Variants in CAMK1D observed in about 807,000 individuals in gnomAD.
The protein encoded by CAMK1D is calcium/calmodulin-dependent protein kinase type 1D.
In CAMK1D, 9 loss-of-function variants were observed where a neutral mutation model predicts 47.7. The observed-to-expected ratio is 0.19, with a 90% CI of 0.11 to 0.33. The LOEUF (loss-of-function observed/expected upper bound fraction) is 0.33. CAMK1D is among the 10% of genes least tolerant of loss of function. The pLI, the probability that CAMK1D is intolerant of heterozygous loss-of-function variation, is 1.00. For synonymous variants in CAMK1D, 184 were observed against 184.9 expected (o/e 0.99, Z 0.04); for missense variants, 291 against 488.7 (o/e 0.60, Z 3.81).
At chr10:12,689,091 A>C (rs901972137) in intron 3 of CAMK1D, among the ~76,000 whole-genome samples, 3 of 152,194 alleles carry the variant, frequency 2.0e-5, no homozygotes, top group Non-Finnish European at 4.4e-5. Flanking sequence ...ATGGTGTTCT[A>C]CCCATTGCCT....
At position 12,367,114 on chromosome 10, in the gene CAMK1D, G is replaced by A. The variant is rs141517562; in HGVS notation, c.92+17204G>A. Reference sequence around the variant, plus strand: ...GACTTCCAGAGAGCTAATTATACTTGTGAGAAAAAGGGGATAAAAAATATT... The same window carrying A: ...GACTTCCAGAGAGCTAATTATACTTATGAGAAAAAGGGGATAAAAAATATT... On this transcript the variant is annotated intron_variant, in intron 1 of 10. Transcript: ENST00000619168. Among the ~76,000 whole-genome samples the A allele has an allele frequency of 5.9e-5, 9 of 152,242 alleles. No homozygotes were observed. The East Asian group carries it at 1.7e-3, about 29-fold the overall frequency.
chr10:12,612,689 C>T (rs1426592316), intron 2 of CAMK1D, among the ~76,000 whole-genome samples: 2 of 152,100 alleles, frequency 1.3e-5, no homozygotes, highest in East Asian at 3.9e-4. Context: ...TCTCTGGGTG[C>T]AGCTTGGACA....
At chr10:12,618,863 C>T (rs893340266) in intron 2 of CAMK1D, among the ~76,000 whole-genome samples, 2 of 152,088 alleles carry the variant, frequency 1.3e-5, no homozygotes, top group African/African-American at 4.8e-5. Flanking sequence ...TACGCATAAC[C>T]CTGTGAAGGT....
At chr10:12,407,237 G>A (rs1839468928) in intron 1 of CAMK1D, among the ~76,000 whole-genome samples, 1 of 152,214 alleles carries the variant, frequency 6.6e-6, no homozygotes, top group African/African-American at 2.4e-5. Context: ...GGCCTGGCAG[G>A]GCGGGCAGAG....
At chr10:12,637,533 A>C (rs566602546) in intron 2 of CAMK1D, among the ~76,000 whole-genome samples, 2 of 146,962 alleles carry the variant, frequency 1.4e-5, no homozygotes, top group East Asian at 2.2e-4. Flanking sequence ...GTATAGAGGC[A>C]GGTTGCAGAA....
At chr10:12,767,327 G>A (rs1275837242) in intron 4 of CAMK1D, among the ~76,000 whole-genome samples, 10 of 152,004 alleles carry the variant, frequency 6.6e-5, no homozygotes, top group African/African-American at 2.2e-4. Context: ...ACAGGCGCCC[G>A]CCACCATGCC....
intron 2 of CAMK1D, among the ~76,000 whole-genome samples, chr10:12,567,556 G>A (rs1031663898): frequency 6.6e-6 from 1 of 152,160 alleles, no homozygotes; most frequent in Non-Finnish European, 1.5e-5. Flanking sequence ...ATTTTTCTAG[G>A]TAGAAAAGTA....
chr10:12,780,239 G>A (rs2065360), intron 5 of CAMK1D, among the ~76,000 whole-genome samples: 4,786 of 152,166 alleles, frequency 0.031, 104 homozygotes, highest in Non-Finnish European at 0.047. Flanking sequence ...GTGTTGGGGC[G>A]AGGACCTCTA....
intron 5 of CAMK1D, among the ~76,000 whole-genome samples, chr10:12,770,072 T>G (rs751591147): frequency 2.6e-5 from 4 of 152,346 alleles, no homozygotes; most frequent in Middle Eastern, 3.4e-3. Flanking sequence ...GGCTGGGAGT[T>G]AATTTGGATG....
At chr10:12,426,811 T>G (rs2131979954) in intron 1 of CAMK1D, among the ~76,000 whole-genome samples, 1 of 150,724 alleles carries the variant, frequency 6.6e-6, no homozygotes, top group East Asian at 2.0e-4. Context: ...ACCTCCGGGG[T>G]TCAAGCAATT....
chr10:12,436,222 A>G (rs1319500225), intron 1 of CAMK1D, among the ~76,000 whole-genome samples: 1 of 152,136 alleles, frequency 6.6e-6, no homozygotes, highest in Non-Finnish European at 1.5e-5. Context: ...CAGGCTTCAC[A>G]TGTGTGCCCA....
chr10:12,419,738 G>C (rs1839985622), intron 1 of CAMK1D, among the ~76,000 whole-genome samples: 1 of 151,850 alleles, frequency 6.6e-6, no homozygotes, highest in Non-Finnish European at 1.5e-5. Flanking sequence ...TGTTTTTTCA[G>C]CTTCTTAGGA....
chr10:12,570,027 G>T (rs1055053442), intron 2 of CAMK1D, among the ~76,000 whole-genome samples: 1 of 151,544 alleles, frequency 6.6e-6, no homozygotes, highest in African/African-American at 2.4e-5. Flanking sequence ...TGGTGAAACC[G>T]CATCTCAACT....
At chr10:12,355,614 A>G (rs998750052) in intron 1 of CAMK1D, among the ~76,000 whole-genome samples, 2 of 152,218 alleles carry the variant, frequency 1.3e-5, no homozygotes, top group African/African-American at 4.8e-5. Context: ...GAGAAGCATT[A>G]GGAAGAACAT....
intron 2 of CAMK1D, among the ~76,000 whole-genome samples, chr10:12,575,531 C>T (rs988476264): frequency 2.6e-5 from 4 of 152,202 alleles, no homozygotes; most frequent in Non-Finnish European, 4.4e-5. Flanking sequence ...AATCTCCAGC[C>T]TTCATGTCTC....
At chr10:12,436,208 C>T (rs1464501055) in intron 1 of CAMK1D, among the ~76,000 whole-genome samples, 4 of 152,286 alleles carry the variant, frequency 2.6e-5, no homozygotes, top group East Asian at 1.9e-4. Flanking sequence ...TCCTCTTCCA[C>T]GTACAGGCTT....
intron 3 of CAMK1D, among the ~76,000 whole-genome samples, chr10:12,752,505 G>C (rs1836035915): frequency 6.6e-6 from 1 of 152,184 alleles, no homozygotes; most frequent in Non-Finnish European, 1.5e-5. Context: ...CACACTCTTT[G>C]AGTGATTGTT....
chr10:12,528,734 A>ATC (rs1554782446), intron 1 of CAMK1D, among the ~76,000 whole-genome samples: 1 of 92,730 alleles, frequency 1.1e-5, no homozygotes, highest in African/African-American at 4.0e-5. Context: ...GGAAATCCTC[A>ATC]TCTTTTTTTT....
intron 5 of CAMK1D, among the ~76,000 whole-genome samples, chr10:12,770,735 T>A (rs968153980): frequency 6.6e-6 from 1 of 151,920 alleles, no homozygotes; most frequent in Non-Finnish European, 1.5e-5. Context: ...ACTTGGGCCT[T>A]GGTCTCAGTG....
Sources: gnomAD v4.1 joint callset for allele counts (sites outside exome capture counted in the v4.1 genomes callset) on GRCh38, gnomAD v4.1.1 for gene constraint, MANE v1.5 for transcripts, NCBI Gene and HGNC (gene_info 2026-07-23, HGNC 2026-07-21) for gene names.